MTUS2: variants seen among roughly 807,000 people sequenced by gnomAD.
The protein encoded by MTUS2 is microtubule associated scaffold protein 2.
MTUS2 carries 40 observed loss-of-function variants against 114.1 expected under a neutral mutation model. The observed-to-expected ratio is 0.35, with a 90% CI of 0.27 to 0.46. The LOEUF is 0.46. Among genes scored for constraint, MTUS2 ranks in the 20% least tolerant of loss-of-function variants. The probability of loss-of-function intolerance (pLI) is 1.00; values close to 1 mark genes in which losing one functional copy is unlikely to be tolerated. For synonymous variants in MTUS2, 688 were observed against 672.0 expected (o/e 1.02, Z -0.37); for missense variants, 1,679 against 1,705.4 (o/e 0.98, Z 0.27).
intron 7 of MTUS2, among the ~76,000 whole-genome samples, chr13:29,331,867 A>G (rs2138061269): frequency 6.6e-6 from 1 of 152,218 alleles, no homozygotes; most frequent in Non-Finnish European, 1.5e-5. Context: ...AGGTTTATTG[A>G]TTTGCATATG....
chr13:28,969,972 G>A (rs1375772268), intron 2 of MTUS2, among the ~76,000 whole-genome samples: 1 of 152,166 alleles, frequency 6.6e-6, no homozygotes, highest in East Asian at 1.9e-4. Flanking sequence ...GTAGAGACAG[G>A]GTTTCACCAT....
chr13:29,391,726 A>G (rs1384323813), intron 8 of MTUS2, among the ~76,000 whole-genome samples: 1 of 152,136 alleles, frequency 6.6e-6, no homozygotes, highest in Non-Finnish European at 1.5e-5. Context: ...CTAAACATAA[A>G]TACACAACAA....
intron 4 of MTUS2, among the ~76,000 whole-genome samples, chr13:29,057,918 G>A (rs543248141): frequency 6.6e-6 from 1 of 152,110 alleles, no homozygotes; most frequent in East Asian, 1.9e-4. Flanking sequence ...TCTTTAGTGT[G>A]TTTTTGTGGT....
intron 2 of MTUS2, among the ~76,000 whole-genome samples, chr13:28,911,996 C>G (rs1880468643): frequency 6.6e-6 from 1 of 151,876 alleles, no homozygotes. Context: ...TGCAGAAGCC[C>G]TTTAGTTTAA....
At chr13:28,891,480 A>C (rs57976393) in intron 2 of MTUS2, among the ~76,000 whole-genome samples, 3,510 of 152,304 alleles carry the variant, frequency 0.023, 133 homozygotes, top group African/African-American at 0.079. Flanking sequence ...TTGAACTGAA[A>C]GGCATTAAAA....
chr13:28,920,659 G>A (rs1443137627), intron 2 of MTUS2, among the ~76,000 whole-genome samples: 1 of 152,230 alleles, frequency 6.6e-6, no homozygotes, highest in East Asian at 1.9e-4. Context: ...GTTTCCTGAT[G>A]CCCTGAGTGG....
intron 2 of MTUS2, among the ~76,000 whole-genome samples, chr13:28,861,039 A>C (rs1876946828): frequency 6.6e-6 from 1 of 152,096 alleles, no homozygotes; most frequent in Non-Finnish European, 1.5e-5. Flanking sequence ...ATGGTTAAAC[A>C]TCTGCAGGGC....
rs200823216 is a variant in MTUS2, at chr13:29,046,970, A to AG, written c.2446+12848dup. The stretch of plus-strand genomic sequence containing the variant: ...TGACCTGACCCCAGCCAATGGGGAA[A>AG]GGGTACAGAGGCAGGACTTGCGTCA... On this transcript the variant is annotated intron_variant, in intron 4 of 15. Coordinates refer to ENST00000612955, the MANE Select transcript of MTUS2 (RefSeq NM_001033602.4). 5.9e-3 allele frequency among the ~76,000 whole-genome samples: 902 copies of AG among 152,312 alleles called. 4 individuals carry two copies. Among genetic ancestry groups the AG allele is most frequent in the African/African-American group, 0.021 (855 of 41,568 alleles).
intron 2 of MTUS2, among the ~76,000 whole-genome samples, chr13:28,967,848 G>A (rs1374348358): frequency 6.6e-6 from 1 of 152,188 alleles, no homozygotes; most frequent in Non-Finnish European, 1.5e-5. Flanking sequence ...GTTTCATATG[G>A]AGTATATGGC....
At chr13:29,264,989 T>A (rs773115232) in intron 5 of MTUS2, among the ~76,000 whole-genome samples, 3 of 152,248 alleles carry the variant, frequency 2.0e-5, no homozygotes, top group South Asian at 2.1e-4. Flanking sequence ...CCTCTTTACT[T>A]TTTCTCTGCC....
chr13:29,433,607 T>G lies in MTUS2; in HGVS notation c.3118-6376T>G, dbSNP rs150505691. Among the ~76,000 whole-genome samples the G allele has an allele frequency of 1.3e-3, 200 of 152,316 alleles. 2 individuals carry two copies. The highest frequency in any genetic ancestry group is 4.6e-3 in the African/African-American group (192 of 41,578). On this transcript the variant is annotated intron_variant, in intron 8 of 15. Coordinates refer to ENST00000612955, the MANE Select transcript of MTUS2 (RefSeq NM_001033602.4). ...TTATATATTATGGATCTGGCCAATC[T>G]TCATAGTATTAGTATTGAAAACGAG...
intron 1 of MTUS2, among the ~76,000 whole-genome samples, chr13:28,825,830 G>T (rs769509696): frequency 6.6e-6 from 1 of 152,176 alleles, no homozygotes; most frequent in Non-Finnish European, 1.5e-5. Flanking sequence ...ATTGTTTGCT[G>T]GTGGGTAGGG....
At chr13:28,883,162 GAGAAATC>G (rs933424571) in intron 2 of MTUS2, among the ~76,000 whole-genome samples, 1 of 152,176 alleles carries the variant, frequency 6.6e-6, no homozygotes, top group Admixed American at 6.6e-5. Context: ...ACATACTGCT[GAGAAATC>G]AGAAATCCTG....
At chr13:28,890,058 G>A (rs1283074478) in intron 2 of MTUS2, among the ~76,000 whole-genome samples, 1 of 152,166 alleles carries the variant, frequency 6.6e-6, no homozygotes, top group Non-Finnish European at 1.5e-5. Flanking sequence ...AGACTGTAAA[G>A]TGCAGTGTTG....
chr13:29,278,455 T>A (rs1019152086), intron 5 of MTUS2, among the ~76,000 whole-genome samples: 1 of 152,110 alleles, frequency 6.6e-6, no homozygotes, highest in East Asian at 1.9e-4. Context: ...ACCACCTCAA[T>A]TATGGGCAAA....
At chr13:29,172,151 T>C (rs965442254) in intron 5 of MTUS2, among the ~76,000 whole-genome samples, 3 of 152,226 alleles carry the variant, frequency 2.0e-5, no homozygotes, top group Admixed American at 6.5e-5. Flanking sequence ...TAGGAGTCTA[T>C]GTCTGGAATC....
chr13:29,280,932 C>T (rs1307257581), intron 5 of MTUS2, among the ~76,000 whole-genome samples: 1 of 152,190 alleles, frequency 6.6e-6, no homozygotes, highest in Non-Finnish European at 1.5e-5. Flanking sequence ...AACAACTTTG[C>T]GTATTTAAAT....
chr13:28,926,562 A>T (rs1201625452), intron 2 of MTUS2, among the ~76,000 whole-genome samples: 1 of 152,216 alleles, frequency 6.6e-6, no homozygotes, highest in Non-Finnish European at 1.5e-5. Context: ...TTTTAATCAC[A>T]TAAACTCAGT....
chr13:28,913,358 C>G (rs1020343841), intron 2 of MTUS2, among the ~76,000 whole-genome samples: 1 of 152,026 alleles, frequency 6.6e-6, no homozygotes, highest in Admixed American at 6.6e-5. Context: ...TTTTCTGTGT[C>G]TATTGAGATA....
Sources: gnomAD v4.1 joint callset for allele counts (sites outside exome capture counted in the v4.1 genomes callset) on GRCh38, gnomAD v4.1.1 for gene constraint, MANE v1.5 for transcripts, NCBI Gene and HGNC (gene_info 2026-07-23, HGNC 2026-07-21) for gene names.